AUTS2: variants seen among roughly 807,000 people sequenced by gnomAD.
AUTS2 encodes autism susceptibility gene 2 protein.
AUTS2 carries 17 observed loss-of-function variants against 112.4 expected under a neutral mutation model. The observed-to-expected ratio is 0.15, with a 90% CI of 0.10 to 0.23. The LOEUF (loss-of-function observed/expected upper bound fraction) is 0.23. Ranked by LOEUF, AUTS2 falls within the 10% of genes least tolerant of loss-of-function variation. The pLI, the probability that AUTS2 is intolerant of heterozygous loss-of-function variation, is 1.00. For synonymous variants in AUTS2, 751 were observed against 702.7 expected (o/e 1.07, Z -1.09); for missense variants, 1,510 against 1,701.6 (o/e 0.89, Z 1.98).
At chr7:70,278,654 T>C (rs1463196660) in intron 4 of AUTS2, among the ~76,000 whole-genome samples, 1 of 152,128 alleles carries the variant, frequency 6.6e-6, no homozygotes, top group Non-Finnish European at 1.5e-5. Context: ...TGCATACAAA[T>C]GAGGATTCAC....
intron 1 of AUTS2, among the ~76,000 whole-genome samples, chr7:69,866,665 C>A (rs1793247519): frequency 6.6e-6 from 1 of 152,176 alleles, no homozygotes; most frequent in African/African-American, 2.4e-5. Context: ...ATTTTTAGGT[C>A]TTCCTCAACA....
intron 1 of AUTS2, among the ~76,000 whole-genome samples, chr7:69,779,437 T>G (rs1389986852): frequency 6.6e-6 from 1 of 152,092 alleles, no homozygotes; most frequent in East Asian, 1.9e-4. Context: ...AGAAATCTGT[T>G]ATGTTCAAAA....
At chr7:70,588,434 G>A (rs1802783006) in intron 5 of AUTS2, among the ~76,000 whole-genome samples, 1 of 152,192 alleles carries the variant, frequency 6.6e-6, no homozygotes. Flanking sequence ...AGAGAGAGGG[G>A]CAGGAGCTGC....
intron 5 of AUTS2, among the ~76,000 whole-genome samples, chr7:70,678,097 A>G (rs2129544862): frequency 6.6e-6 from 1 of 151,790 alleles, no homozygotes; most frequent in African/African-American, 2.4e-5. Flanking sequence ...AAATTAATAA[A>G]TAATAATAAT....
At chr7:70,620,346 C>T (rs1804605844) in intron 5 of AUTS2, among the ~76,000 whole-genome samples, 1 of 152,126 alleles carries the variant, frequency 6.6e-6, no homozygotes, top group East Asian at 1.9e-4. Context: ...CAGCTCCTTT[C>T]GTAAAGTGAG....
intron 5 of AUTS2, among the ~76,000 whole-genome samples, chr7:70,454,510 C>G (rs1395153412): frequency 6.6e-6 from 1 of 152,084 alleles, no homozygotes; most frequent in Non-Finnish European, 1.5e-5. Flanking sequence ...GCACTCCACC[C>G]TGGGTAACAA....
intron 1 of AUTS2, among the ~76,000 whole-genome samples, chr7:69,644,897 C>G (rs1193206592): frequency 6.6e-6 from 1 of 151,926 alleles, no homozygotes; most frequent in Non-Finnish European, 1.5e-5. Flanking sequence ...TGCTTGGCAG[C>G]AAGTCTTGAA....
intron 1 of AUTS2, among the ~76,000 whole-genome samples, chr7:69,747,132 T>C (rs1421668461): frequency 6.6e-6 from 1 of 152,240 alleles, no homozygotes; most frequent in Non-Finnish European, 1.5e-5. Flanking sequence ...CCAAAGGGTT[T>C]CTGATTCAGG....
rs35215443 is a variant in AUTS2, at chr7:70,185,257, CTTTTTTTTTTTTT to C, written c.660+50701_660+50713del. 8.2e-3 allele frequency among the ~76,000 whole-genome samples: 714 copies of C among 87,130 alleles called. 19 individuals are homozygous for C. Among genetic ancestry groups the C allele is most frequent in the African/African-American group, 0.03 (667 of 21,922 alleles). The allele number at this position is 87,130 out of a possible 152,430, so 57.2% of individuals were successfully genotyped here. A position where few individuals can be genotyped will look rare whatever the true frequency, so the allele number is the denominator to read the frequency against. On this transcript the variant is annotated intron_variant, in intron 4 of 18. Coordinates refer to ENST00000342771, the MANE Select transcript of AUTS2 (RefSeq NM_015570.4). The stretch of plus-strand genomic sequence containing the variant: ...TGCTTTGGGCCTAAATGACATTAAA[CTTTTTTTTTTTTT>C]TTTTTTTTTTTTTTAAGAAACGAGG...
chr7:69,752,207 A>G (rs1378625110), intron 1 of AUTS2, among the ~76,000 whole-genome samples: 3 of 152,188 alleles, frequency 2.0e-5, no homozygotes, highest in Non-Finnish European at 4.4e-5. Context: ...TGGGAGAGTC[A>G]GTGGGCTGGG....
At chr7:70,576,754 G>A (rs1334035060) in intron 5 of AUTS2, among the ~76,000 whole-genome samples, 1 of 137,564 alleles carries the variant, frequency 7.3e-6, no homozygotes, top group Non-Finnish European at 1.6e-5. Flanking sequence ...TCCTGGAATA[G>A]TCTTTTCGTA....
chr7:70,261,050 C>CTTTT lies in AUTS2; in HGVS notation c.660+126480_660+126481insTTTT, dbSNP rs1305050830. On this transcript the variant is annotated intron_variant, in intron 4 of 18. Transcript: ENST00000342771. ...GTGTGAGCCACCGCGCCCGGCCAAC[C>CTTTT]TGTACACTTTTTGTAATAGCCAAAA... is the stretch of plus-strand genomic sequence containing the variant. 6.2e-4 allele frequency among the ~76,000 whole-genome samples: 94 copies of CTTTT among 152,098 alleles called. 1 individual carries two copies. Among genetic ancestry groups the CTTTT allele is most frequent in the Non-Finnish European group, 2.8e-4 (19 of 67,988 alleles).
At chr7:70,264,148 A>G (rs1787300432) in intron 4 of AUTS2, among the ~76,000 whole-genome samples, 1 of 152,168 alleles carries the variant, frequency 6.6e-6, no homozygotes, top group Non-Finnish European at 1.5e-5. Flanking sequence ...AATTCTTCCT[A>G]GAGACGTTTC....
At chr7:69,929,835 C>A (rs1413998935) in intron 2 of AUTS2, among the ~76,000 whole-genome samples, 29 of 152,288 alleles carry the variant, frequency 1.9e-4, no homozygotes, top group Non-Finnish European at 1.8e-4. Flanking sequence ...ATTGATTATT[C>A]TACTCATTAT....
chr7:70,044,091 C>T (rs906626221), intron 2 of AUTS2, among the ~76,000 whole-genome samples: 2 of 152,120 alleles, frequency 1.3e-5, no homozygotes, highest in Non-Finnish European at 2.9e-5. Context: ...TCCCTCCTTT[C>T]CTCTCATGCC....
intron 5 of AUTS2, among the ~76,000 whole-genome samples, chr7:70,506,063 T>G (rs933506220): frequency 2.0e-5 from 3 of 152,178 alleles, no homozygotes; most frequent in African/African-American, 7.2e-5. Context: ...CACAGAGCAC[T>G]GGAACACGGG....
At chr7:70,407,430 G>A (rs530122527) in intron 4 of AUTS2, among the ~76,000 whole-genome samples, 115 of 152,194 alleles carry the variant, frequency 7.6e-4, no homozygotes, top group African/African-American at 2.6e-3. Context: ...TTAAAAAGCA[G>A]CATAACAAGA....
At position 70,791,023 on chromosome 7, in the gene AUTS2, A is replaced by G; in HGVS notation, c.*27A>G. 6.8e-7 allele frequency: 1 copy of G among 1,475,560 alleles called. No homozygotes were observed. The highest frequency in any genetic ancestry group is 9.0e-7 in the Non-Finnish European group (1 of 1,117,134). 91.4% of individuals were successfully genotyped at this position (1,475,560 alleles called of 1,614,324 possible). A position where few individuals can be genotyped will look rare whatever the true frequency, so the allele number is the denominator to read the frequency against. On this transcript the variant is annotated 3_prime_UTR_variant, in exon 19 of 19. Transcript: ENST00000342771. ...CCGAGAACAGGAGCAAGAACGAGGAAGAAGAAACCCTAGGCAGACACCAGG... is the reference window on the plus strand; with the variant it reads ...CCGAGAACAGGAGCAAGAACGAGGAGGAAGAAACCCTAGGCAGACACCAGG...
intron 2 of AUTS2, among the ~76,000 whole-genome samples, chr7:70,022,242 T>C (rs1800308888): frequency 6.6e-6 from 1 of 151,716 alleles, no homozygotes; most frequent in Non-Finnish European, 1.5e-5. Context: ...ACATTGATAG[T>C]ATCTGAAGAA....
Sources: gnomAD v4.1 joint callset for allele counts (sites outside exome capture counted in the v4.1 genomes callset) on GRCh38, gnomAD v4.1.1 for gene constraint, MANE v1.5 for transcripts, NCBI Gene and HGNC (gene_info 2026-07-23, HGNC 2026-07-21) for gene names.